Variants in MSI2 observed in about 807,000 individuals in gnomAD.
MSI2 encodes musashi RNA binding protein 2, also known as RNA-binding protein Musashi homolog 2.
In MSI2, 17 loss-of-function variants were observed where a neutral mutation model predicts 45.6. That is an observed-to-expected ratio of 0.37 (90% CI 0.26 to 0.56). The LOEUF is 0.56. Among genes scored for constraint, MSI2 ranks in the 20% least tolerant of loss-of-function variants. The pLI is 0.77. For synonymous variants in MSI2, 156 were observed against 158.2 expected (o/e 0.99, Z 0.11); for missense variants, 293 against 444.2 (o/e 0.66, Z 3.06).
intron 6 of MSI2, among the ~76,000 whole-genome samples, chr17:57,427,017 G>A (rs16958365): frequency 3.9e-5 from 6 of 152,222 alleles, no homozygotes; most frequent in African/African-American, 1.4e-4. Flanking sequence ...TGAAGCCGGG[G>A]TGCCCCCACG....
Position 57,407,575 on chromosome 17 carries a change from G to T in MSI2, c.405+6104G>T, listed in dbSNP as rs983890448. Among the ~76,000 whole-genome samples, 3 of 152,150 alleles carry T rather than the reference G, an allele frequency of 2.0e-5. No homozygotes were observed. ...GTCCTTTGTGGACATCTGAGCTCCC[G>T]TGAGGCTTTGTCCTCTGAAGTGGTT... is the stretch of plus-strand genomic sequence containing the variant. On this transcript the variant is annotated intron_variant, in intron 6 of 13. Coordinates refer to ENST00000284073, the MANE Select transcript of MSI2 (RefSeq NM_138962.4). The surrounding 1 kb of genome is among the most constrained non-coding windows in gnomAD (Gnocchi z 4.1).
chr17:57,569,991 G>A (rs912348994), intron 7 of MSI2, among the ~76,000 whole-genome samples: 5 of 152,130 alleles, frequency 3.3e-5, no homozygotes, highest in African/African-American at 1.2e-4. Flanking sequence ...GCGTAGACAC[G>A]AGCCACGGCT....
intron 5 of MSI2, among the ~76,000 whole-genome samples, chr17:57,398,032 CTG>C (rs1443323356): frequency 3.3e-5 from 5 of 152,128 alleles, no homozygotes; most frequent in Non-Finnish European, 7.4e-5. Context: ...CTTTTGGGGA[CTG>C]TGTAGATTTA....
intron 7 of MSI2, among the ~76,000 whole-genome samples, chr17:57,592,322 C>T (rs1904914341): frequency 6.6e-6 from 1 of 152,164 alleles, no homozygotes; most frequent in Non-Finnish European, 1.5e-5. Context: ...TTGTTTTTGT[C>T]CTCCTCTGCT....
chr17:57,503,046 T>C (rs1295149428), intron 6 of MSI2, among the ~76,000 whole-genome samples: 3 of 152,200 alleles, frequency 2.0e-5, no homozygotes, highest in African/African-American at 7.2e-5. Flanking sequence ...ACAATGGAGT[T>C]TTCCTTTTAA....
At chr17:57,286,746 C>CA (rs1672110754) in intron 5 of MSI2, among the ~76,000 whole-genome samples, 1 of 152,106 alleles carries the variant, frequency 6.6e-6, no homozygotes, top group Non-Finnish European at 1.5e-5. Flanking sequence ...TTTCCTAAGG[C>CA]AAAATGACCT....
At chr17:57,586,208 A>C (rs1298871602) in intron 7 of MSI2, among the ~76,000 whole-genome samples, 3 of 152,208 alleles carry the variant, frequency 2.0e-5, no homozygotes, top group Non-Finnish European at 1.5e-5. Flanking sequence ...GGCCTGGATC[A>C]CAGGTGCTTT....
At chr17:57,350,520 G>A (rs1246466154) in intron 5 of MSI2, among the ~76,000 whole-genome samples, 1 of 152,118 alleles carries the variant, frequency 6.6e-6, no homozygotes, top group Non-Finnish European at 1.5e-5. Context: ...GGCCTGGAGG[G>A]TGGCCGTGGT....
intron 6 of MSI2, among the ~76,000 whole-genome samples, chr17:57,454,248 A>C (rs2085070198): frequency 1.3e-5 from 2 of 152,162 alleles, no homozygotes; most frequent in South Asian, 4.1e-4. Context: ...GGAACTGTGG[A>C]TAGTGAGAGG....
rs182499388 is a variant in MSI2, at chr17:57,380,715, A to C, written c.313-20664A>C. On this transcript the variant is annotated intron_variant, in intron 5 of 13. Coordinates refer to ENST00000284073, the MANE Select transcript of MSI2 (RefSeq NM_138962.4). ...AGGGCAGGGGGATTCTGCTTTTGTG[A>C]GCACCTGGGTGCTTTGAATTTGGAC... 7.4e-4 allele frequency among the ~76,000 whole-genome samples: 112 copies of C among 152,270 alleles called. 1 individual carries two copies. The highest frequency in any genetic ancestry group is 2.5e-3 in the African/African-American group (104 of 41,550).
intron 6 of MSI2, chr17:57,450,287 GA>G (rs1332856274): frequency 2.2e-4 from 14 of 63,172 alleles, no homozygotes; most frequent in South Asian, 9.3e-4. Context: ...AAGAAAGAAA[GA>G]AAGAAAGAAA....
At position 57,677,002 on chromosome 17, in the gene MSI2, A is replaced by C; in HGVS notation, c.961A>C (p.Thr321Pro). Residue 321 changes from threonine (T) to proline (P), a missense_variant, in exon 13 of 14, where the codon ACG (threonine) becomes CCG (proline). Coordinates refer to ENST00000284073, the MANE Select transcript of MSI2 (RefSeq NM_138962.4). ...GHGIAGPLIA[T>P]AFTNGYH ...GCAATTTTAGGGACCTTTGATTGCAACGGCCTTTACAAATGGATACCATTG... is the reference window on the plus strand; with the variant it reads ...GCAATTTTAGGGACCTTTGATTGCACCGGCCTTTACAAATGGATACCATTG... 6.2e-7 allele frequency: 1 copy of C among 1,613,172 alleles called. No homozygotes were observed. The highest frequency in any genetic ancestry group is 8.5e-7 in the Non-Finnish European group (1 of 1,179,102).
intron 5 of MSI2, among the ~76,000 whole-genome samples, chr17:57,303,256 C>A (rs1280592650): frequency 6.6e-6 from 1 of 152,148 alleles, no homozygotes; most frequent in East Asian, 1.9e-4. Context: ...TCTGCTTTAA[C>A]ACTTGGGGGA....
intron 8 of MSI2, among the ~76,000 whole-genome samples, chr17:57,604,698 C>T (rs1259933847): frequency 1.3e-5 from 2 of 152,160 alleles, no homozygotes; most frequent in Non-Finnish European, 2.9e-5. Context: ...GGGATTGACT[C>T]GGAACAGGGG....
chr17:57,591,597 C>T (rs1567921457), intron 7 of MSI2, among the ~76,000 whole-genome samples: 1 of 151,798 alleles, frequency 6.6e-6, no homozygotes, highest in Non-Finnish European at 1.5e-5. Flanking sequence ...CATGGTGGCA[C>T]ACACCTGTAG....
At position 57,585,502 on chromosome 17, in the gene MSI2, G is replaced by C. The variant is rs368220018; in HGVS notation, c.455-11366G>C. Among the ~76,000 whole-genome samples, 35 of 152,038 alleles carry C rather than the reference G, an allele frequency of 2.3e-4. 1 individual carries two copies. The East Asian group carries it at 6.4e-3, about 28-fold the overall frequency. On this transcript the variant is annotated intron_variant, in intron 7 of 13. Coordinates refer to ENST00000284073, the MANE Select transcript of MSI2 (RefSeq NM_138962.4). The stretch of plus-strand genomic sequence containing the variant: ...CAGAGTCATGCAGCCAGTTGTGCTA[G>C]AGCCAGGATTTAAGCCCAGATCTAC...
chr17:57,283,595 T>C (rs1367826259), intron 5 of MSI2, among the ~76,000 whole-genome samples: 1 of 151,770 alleles, frequency 6.6e-6, no homozygotes, highest in Admixed American at 6.6e-5. Context: ...CTCTTCCAAA[T>C]CCCCCAACTA....
intron 5 of MSI2, among the ~76,000 whole-genome samples, chr17:57,304,676 G>A (rs765096975): frequency 3.6e-4 from 55 of 151,952 alleles, no homozygotes; most frequent in Non-Finnish European, 1.2e-4. Context: ...CTTCTGCCTC[G>A]GCCTCCCAAA....
At chr17:57,583,321 C>G (rs1380832248) in intron 7 of MSI2, among the ~76,000 whole-genome samples, 1 of 152,196 alleles carries the variant, frequency 6.6e-6, no homozygotes, top group Non-Finnish European at 1.5e-5. Flanking sequence ...GAAACATTTC[C>G]TCTTTTCCTT....
Sources: allele counts gnomAD v4.1 joint callset (sites outside exome capture counted in the v4.1 genomes callset), GRCh38; gene constraint gnomAD v4.1.1; non-coding constraint Gnocchi (gnomAD v3.1); transcripts MANE v1.5; gene names NCBI Gene and HGNC (gene_info 2026-07-23, HGNC 2026-07-21).